Variants in C6orf163 observed in about 807,000 individuals in gnomAD.
The protein encoded by C6orf163 is uncharacterized protein C6orf163.
In C6orf163, 22 loss-of-function variants were observed where a neutral mutation model predicts 28.4. The ratio of observed to expected loss-of-function variants is 0.78; its 90% CI spans 0.55 to 1.11. The LOEUF is 1.11. Among genes scored for constraint, C6orf163 ranks in the 50% least tolerant of loss-of-function variants. The probability of loss-of-function intolerance (pLI) is 0.00; values close to 1 mark genes in which losing one functional copy is unlikely to be tolerated. For missense variants in C6orf163, 342 were observed against 389.1 expected, an observed-to-expected ratio of 0.88 and a Z score of 1.02; for synonymous variants, 110 against 123.6, an observed-to-expected ratio of 0.89 and a Z score of 0.73.
chr6:87,360,832 G>A (rs1777569615), intron 4 of C6orf163, among the ~76,000 whole-genome samples: 1 of 152,078 alleles, frequency 6.6e-6, no homozygotes, highest in Non-Finnish European at 1.5e-5. Flanking sequence ...TTTATTGATT[G>A]CCTGTTGTAT....
chr6:87,356,543 TA>T, intron 4 of C6orf163, 40 bp downstream of exon 4: 6 of 1,531,590 alleles, frequency 3.9e-6, no homozygotes, highest in Non-Finnish European at 5.3e-6. Context: ...TAACTTCCTT[TA>T]TCAAAATCAA....
At chr6:87,354,957 C>T (rs545403706) in intron 3 of C6orf163, among the ~76,000 whole-genome samples, 3 of 152,308 alleles carry the variant, frequency 2.0e-5, no homozygotes, top group African/African-American at 7.2e-5. Context: ...AGAAATGGTG[C>T]TAAAGGGAGT....
intron 1 of C6orf163, chr6:87,348,051 G>T: frequency 2.0e-6 from 1 of 492,900 alleles, no homozygotes; most frequent in South Asian, 8.7e-5. Flanking sequence ...AGCTACTCGG[G>T]AGGCTGAGGC....
Position 87,350,567 on chromosome 6 carries a change from AG to A in C6orf163, c.351+69del, listed in dbSNP as rs533759931. 71 of 903,928 alleles carry A rather than the reference AG, an allele frequency of 7.9e-5. No homozygotes were observed. The South Asian group carries it at 1.1e-3, about 14-fold the overall frequency. The allele number at this position is 903,928 out of a possible 1,614,324, so 56.0% of individuals were successfully genotyped here. A position where few individuals can be genotyped will look rare whatever the true frequency, so the allele number is the denominator to read the frequency against. Reference sequence around the variant, plus strand: ...ACATTAGTAAAAAGAAAAGTTGGCAAGGGAATGAGAAAAAAATAATAAGGAA... The same window carrying A: ...ACATTAGTAAAAAGAAAAGTTGGCAAGGAATGAGAAAAAAATAATAAGGAA... On this transcript the variant is annotated intron_variant, in intron 3 of 4. Coordinates refer to ENST00000388923, the MANE Select transcript of C6orf163 (RefSeq NM_001010868.3).
intron 3 of C6orf163, among the ~76,000 whole-genome samples, chr6:87,352,254 ACTT>A (rs1359042146): frequency 6.6e-6 from 1 of 152,210 alleles, no homozygotes; most frequent in Non-Finnish European, 1.5e-5. Context: ...CATCAGTACT[ACTT>A]CTCAGGGCTT....
rs758405114 is a variant in C6orf163, at chr6:87,345,296, G to A, written c.148+49G>A. On this transcript the variant is annotated intron_variant, in intron 1 of 4. Transcript: ENST00000388923. ...TTGTTCTAATGCTTCATAGCCTTAT[G>A]TGTCATTCTTTCTGTTACATAGACT... The A allele has an allele frequency of 1.8e-5, 26 of 1,440,858 alleles. 1 individual carries two copies. In the South Asian group the frequency reaches 2.7e-4, roughly 15 times the overall value. The allele number at this position is 1,440,858 out of a possible 1,614,324, so 89.3% of individuals were successfully genotyped here. A position where few individuals can be genotyped will look rare whatever the true frequency, so the allele number is the denominator to read the frequency against.
intron 2 of C6orf163, 109 bp downstream of exon 2, chr6:87,349,015 G>T: frequency 1.4e-6 from 2 of 1,379,394 alleles, no homozygotes; most frequent in Non-Finnish European, 1.9e-6. Flanking sequence ...CTGAATCCTG[G>T]CTAGCTGTGG....
chr6:87,349,946 T>C (rs1321682428), intron 2 of C6orf163, among the ~76,000 whole-genome samples: 2 of 152,222 alleles, frequency 1.3e-5, no homozygotes, highest in Non-Finnish European at 2.9e-5. Flanking sequence ...GTTAAAGTTC[T>C]TTCTGAAGAC....
chr6:87,356,854 T>C, intron 4 of C6orf163: 1 of 202,090 alleles, frequency 4.9e-6, no homozygotes, highest in Non-Finnish European at 1.0e-5. Context: ...TCACCAGTTT[T>C]AAGAAGCCAA....
At chr6:87,353,440 A>G (rs2127932306) in intron 3 of C6orf163, among the ~76,000 whole-genome samples, 1 of 152,118 alleles carries the variant, frequency 6.6e-6, no homozygotes, top group Non-Finnish European at 1.5e-5. Flanking sequence ...AAAAATTGAA[A>G]ATTAAAAAAA....
At chr6:87,350,666 A>G (rs9351127) in intron 3 of C6orf163, among the ~76,000 whole-genome samples, 165 bp downstream of exon 3, 16,378 of 152,250 alleles carry the variant, frequency 0.11, 924 homozygotes, top group East Asian at 0.13. Flanking sequence ...TGAGCTCTCT[A>G]GAGCAGTGAT....
Position 87,345,498 on chromosome 6 carries a change from T to C in C6orf163, c.148+251T>C, listed in dbSNP as rs187629861. 2.5e-3 allele frequency among the ~76,000 whole-genome samples: 381 copies of C among 152,352 alleles called. 1 individual carries two copies. The highest frequency in any genetic ancestry group is 2.6e-3 in the Non-Finnish European group (180 of 68,040). On this transcript the variant is annotated intron_variant, in intron 1 of 4. Transcript: ENST00000388923. Reference sequence around the variant, plus strand: ...CTAATACCTATCTTACAGGTTGTTATGAGACTTTAATGAAGTATTTGTATC... The same window carrying C: ...CTAATACCTATCTTACAGGTTGTTACGAGACTTTAATGAAGTATTTGTATC...
chr6:87,364,945 A>G lies in C6orf163; in HGVS notation c.555-16A>G, dbSNP rs1455938759. On this transcript the variant is annotated splice_polypyrimidine_tract_variant and intron_variant, in intron 4 of 4. Transcript: ENST00000388923. ...GCCAATCCATCTAAATTATAAATCC[A>G]TATTATCTTTTGTAGCAAAGCCGTG... is the stretch of plus-strand genomic sequence containing the variant. The G allele has an allele frequency of 5.3e-6, 8 of 1,515,466 alleles. No individual in the cohort carries two copies. Among genetic ancestry groups the G allele is most frequent in the Admixed American group, 2.2e-5 (1 of 45,544 alleles). 93.9% of individuals were successfully genotyped at this position (1,515,466 alleles called of 1,614,324 possible).
intron 4 of C6orf163, among the ~76,000 whole-genome samples, chr6:87,364,759 G>C (rs1777622406): frequency 6.6e-6 from 1 of 152,164 alleles, no homozygotes; most frequent in Admixed American, 6.5e-5. Context: ...CCACAGCAGG[G>C]AAGTACATAG....
chr6:87,364,515 G>T (rs541736038), intron 4 of C6orf163, among the ~76,000 whole-genome samples: 1 of 152,102 alleles, frequency 6.6e-6, no homozygotes, highest in South Asian at 2.1e-4. Flanking sequence ...ATAGAGTATT[G>T]CTCAGATAAA....
At chr6:87,350,122 C>T (rs1035815524) in intron 2 of C6orf163, among the ~76,000 whole-genome samples, 8 of 152,194 alleles carry the variant, frequency 5.3e-5, no homozygotes, top group African/African-American at 1.9e-4. Context: ...GGCAACCCAG[C>T]AGCCTACATA....
At chr6:87,354,929 T>C (rs762102297) in intron 3 of C6orf163, among the ~76,000 whole-genome samples, 42 of 152,226 alleles carry the variant, frequency 2.8e-4, no homozygotes, top group Non-Finnish European at 5.4e-4. Flanking sequence ...CAGAGCTGGC[T>C]CTCTCAGGGG....
At chr6:87,348,532 C>A in intron 1 of C6orf163, 1 of 1,153,504 alleles carries the variant, frequency 8.7e-7, no homozygotes, top group Middle Eastern at 3.7e-4. Flanking sequence ...AAATATGTCC[C>A]TTTCTTCGGG....
intron 3 of C6orf163, among the ~76,000 whole-genome samples, chr6:87,352,870 G>A (rs1314259184): frequency 6.6e-6 from 1 of 152,082 alleles, no homozygotes; most frequent in Non-Finnish European, 1.5e-5. Context: ...ATCTCCTGAG[G>A]GGGACATTAT....
Sources: gnomAD v4.1 joint callset for allele counts (sites outside exome capture counted in the v4.1 genomes callset) on GRCh38, gnomAD v4.1.1 for gene constraint, MANE v1.5 for transcripts, NCBI Gene and HGNC (gene_info 2026-07-23, HGNC 2026-07-21) for gene names.